The following SIL1 variants were observed in gnomAD, a reference collection of about 807,000 sequenced individuals.
SIL1 encodes SIL1 nucleotide exchange factor, also known as nucleotide exchange factor SIL1.
SIL1 carries 40 observed loss-of-function variants against 49.1 expected under a neutral mutation model. The observed-to-expected ratio is 0.81, with a 90% confidence interval of 0.63 to 1.06. The LOEUF is 1.06. Ranked by LOEUF, SIL1 falls within the 50% of genes least tolerant of loss-of-function variation. The probability of loss-of-function intolerance (pLI) is 0.00; values close to 1 mark genes in which losing one functional copy is unlikely to be tolerated. For missense variants in SIL1, 500 were observed against 572.6 expected, an observed-to-expected ratio of 0.87 and a Z score of 1.29; for synonymous variants, 253 against 250.8, an observed-to-expected ratio of 1.01 and a Z score of -0.08.
chr5:139,164,216 G>A (rs1476703841), intron 1 of SIL1, among the ~76,000 whole-genome samples: 1 of 151,908 alleles, frequency 6.6e-6, no homozygotes, highest in African/African-American at 2.4e-5. Context: ...CACGCAACAT[G>A]TACATGGCAC....
At chr5:139,031,944 T>C (rs1554127947) in intron 5 of SIL1, among the ~76,000 whole-genome samples, 1 of 152,378 alleles carries the variant, frequency 6.6e-6, no homozygotes, top group Admixed American at 6.5e-5. Context: ...AGAAATACAA[T>C]TGATTTGCAT....
chr5:139,052,257 C>T (rs929718767), intron 3 of SIL1, among the ~76,000 whole-genome samples: 2 of 152,162 alleles, frequency 1.3e-5, no homozygotes, highest in African/African-American at 2.4e-5. Context: ...CCAGGGATAT[C>T]GCACACCATG....
chr5:139,049,930 T>C (rs1245849448), intron 4 of SIL1, among the ~76,000 whole-genome samples: 1 of 152,186 alleles, frequency 6.6e-6, no homozygotes, highest in African/African-American at 2.4e-5. Context: ...AATGACTGGA[T>C]ACTATTTTAG....
chr5:138,982,770 T>G (rs1767556596), intron 7 of SIL1, among the ~76,000 whole-genome samples: 1 of 152,194 alleles, frequency 6.6e-6, no homozygotes, highest in South Asian at 2.1e-4. Context: ...TTTAGCAAAG[T>G]TAACCTTTTA....
intron 1 of SIL1, among the ~76,000 whole-genome samples, chr5:139,145,619 GGTGTGGGGGCGTGTGTGTGTGT>G (rs1201654693): frequency 7.4e-6 from 1 of 134,578 alleles, no homozygotes; most frequent in African/African-American, 2.7e-5. Context: ...TGTGGGTGTG[GGTGTGGGGGCGTGTGTGTGTGT>G]GTGTGTGTGT....
At chr5:139,137,091 G>A (rs114520640) in intron 1 of SIL1, among the ~76,000 whole-genome samples, 49 of 152,316 alleles carry the variant, frequency 3.2e-4, no homozygotes, top group East Asian at 1.5e-3. Context: ...CCGCCATGGC[G>A]GAGACAGAGA....
chr5:138,982,112 C>G (rs1767540313), intron 7 of SIL1, among the ~76,000 whole-genome samples: 1 of 152,170 alleles, frequency 6.6e-6, no homozygotes, highest in African/African-American at 2.4e-5. Flanking sequence ...GTACTTTTTT[C>G]TAAATATTCT....
chr5:139,112,701 G>A (rs1217034719), intron 3 of SIL1, among the ~76,000 whole-genome samples: 3 of 149,328 alleles, frequency 2.0e-5, no homozygotes, highest in East Asian at 4.1e-4. Context: ...CCGCCCGGCC[G>A]CCGCCCCGTG....
chr5:139,116,909 T>C (rs1726281683), intron 3 of SIL1, among the ~76,000 whole-genome samples: 1 of 152,388 alleles, frequency 6.6e-6, no homozygotes, highest in South Asian at 2.1e-4. Context: ...GTAGGTATTA[T>C]ATTTTCATCC....
chr5:139,043,867 G>C (rs1049329116), intron 4 of SIL1, among the ~76,000 whole-genome samples: 4 of 152,222 alleles, frequency 2.6e-5, no homozygotes, highest in Non-Finnish European at 5.9e-5. Context: ...AAGACTGTCA[G>C]GTTGGTGTTG....
At chr5:139,058,105 C>T (rs567984161) in intron 3 of SIL1, among the ~76,000 whole-genome samples, 3 of 152,318 alleles carry the variant, frequency 2.0e-5, no homozygotes, top group East Asian at 3.9e-4. Context: ...ATAAATACTG[C>T]TACATCCTAC....
rs1169228924 is a variant in SIL1, at chr5:139,008,377, G to A, written c.767+12794C>T. The stretch of plus-strand genomic sequence containing the variant: ...TTTTTTCTTTATTAGTCTTGCTAGC[G>A]GTCTATCAATTTTGTTGATCCTTTC... On this transcript the variant is annotated intron_variant, in intron 7 of 9. Coordinates refer to ENST00000394817, the MANE Select transcript of SIL1 (RefSeq NM_022464.5). Among the ~76,000 whole-genome samples, 249 of 132,384 alleles carry A rather than the reference G, an allele frequency of 1.9e-3. 1 individual carries two copies. The highest frequency in any genetic ancestry group is 2.7e-3 in the Non-Finnish European group (166 of 62,618). The allele number at this position is 132,384 out of a possible 152,430, so 86.8% of individuals were successfully genotyped here.
intron 1 of SIL1, among the ~76,000 whole-genome samples, chr5:139,132,882 A>T (rs938050847): frequency 5.9e-5 from 9 of 152,186 alleles, no homozygotes; most frequent in African/African-American, 2.2e-4. Context: ...CATCACAAGC[A>T]GGGACAGAGG....
chr5:139,143,304 TATACACACACAC>T (rs1178611159), intron 1 of SIL1, among the ~76,000 whole-genome samples: 5 of 73,014 alleles, frequency 6.8e-5, no homozygotes, highest in African/African-American at 2.2e-4. Flanking sequence ...TATATACATA[TATACACACACAC>T]ACACACACAC....
At chr5:139,027,944 A>T (rs186245461) in intron 5 of SIL1, among the ~76,000 whole-genome samples, 50 of 152,330 alleles carry the variant, frequency 3.3e-4, no homozygotes, top group Non-Finnish European at 6.2e-4. Context: ...AGCCTCTCTT[A>T]AAAAAGACCA....
At position 139,051,125 on chromosome 5, in the gene SIL1, A is replaced by T. The variant is rs1220698519; in HGVS notation, c.245-79T>A. The T allele has an allele frequency of 2.3e-6, 3 of 1,283,962 alleles. No homozygotes were observed. The African/African-American group carries it at 4.4e-5, about 19-fold the overall frequency. 79.5% of individuals were successfully genotyped at this position (1,283,962 alleles called of 1,614,324 possible). On this transcript the variant is annotated intron_variant, in intron 3 of 9. Coordinates refer to ENST00000394817, the MANE Select transcript of SIL1 (RefSeq NM_022464.5). ...TCGGGATGGCCAGCAAGCCAACAGG[A>T]CTTACTAGTTCATGAAGACACGACT...
intron 2 of SIL1, among the ~76,000 whole-genome samples, chr5:139,122,715 G>A (rs1750667967): frequency 6.6e-6 from 1 of 152,120 alleles, no homozygotes. Context: ...TGCCAATGTA[G>A]AGCCCCTCCA....
chr5:139,091,324 T>G (rs1268709479), intron 3 of SIL1, among the ~76,000 whole-genome samples: 1 of 151,974 alleles, frequency 6.6e-6, no homozygotes, highest in Non-Finnish European at 1.5e-5. Context: ...CATAGAGTGT[T>G]AATATCCCCA....
chr5:139,063,198 T>C (rs1158293806), intron 3 of SIL1, among the ~76,000 whole-genome samples: 1 of 152,246 alleles, frequency 6.6e-6, no homozygotes, highest in African/African-American at 2.4e-5. Flanking sequence ...GATAGTATTT[T>C]GACCAGAAAA....
Sources: gnomAD v4.1 joint callset for allele counts (sites outside exome capture counted in the v4.1 genomes callset) on GRCh38, gnomAD v4.1.1 for gene constraint, MANE v1.5 for transcripts, NCBI Gene and HGNC (gene_info 2026-07-23, HGNC 2026-07-21) for gene names.